CTIF: variants seen among roughly 807,000 people sequenced by gnomAD.
CTIF encodes the protein CBP80/20-dependent translation initiation factor.
A neutral mutation model predicts 66.0 loss-of-function variants in CTIF; 21 were observed. The observed-to-expected ratio is 0.32, with a 90% CI of 0.23 to 0.46. The LOEUF (loss-of-function observed/expected upper bound fraction) is 0.46. Ranked by LOEUF, CTIF falls within the 20% of genes least tolerant of loss-of-function variation. The probability of loss-of-function intolerance (pLI) is 1.00; values close to 1 mark genes in which losing one functional copy is unlikely to be tolerated. For missense variants in CTIF, 739 were observed against 812.7 expected (o/e 0.91, Z 1.10); for synonymous variants, 345 against 326.4 (o/e 1.06, Z -0.62).
intron 1 of CTIF, among the ~76,000 whole-genome samples, chr18:48,586,763 T>C (rs1195216321): frequency 6.6e-6 from 1 of 152,236 alleles, no homozygotes; most frequent in African/African-American, 2.4e-5. Context: ...TCTTAATTTA[T>C]AGGGTACCTC....
At chr18:48,765,190 C>G (rs1909403161) in intron 9 of CTIF, among the ~76,000 whole-genome samples, 1 of 152,206 alleles carries the variant, frequency 6.6e-6, no homozygotes, top group Non-Finnish European at 1.5e-5. Flanking sequence ...CATTTTCTGG[C>G]AAACTATGTT....
At chr18:48,768,487 C>T (rs79256780) in intron 9 of CTIF, among the ~76,000 whole-genome samples, 1 of 152,190 alleles carries the variant, frequency 6.6e-6, no homozygotes, top group African/African-American at 2.4e-5. Flanking sequence ...CCTCCCCAGG[C>T]TTATACATGG....
intron 7 of CTIF, among the ~76,000 whole-genome samples, chr18:48,750,490 C>A (rs1329737025): frequency 6.6e-6 from 1 of 152,266 alleles, no homozygotes; most frequent in African/African-American, 2.4e-5. Context: ...CACGAGGCAG[C>A]AATGAAGCCA....
At chr18:48,792,337 G>C (rs2067812104) in intron 9 of CTIF, among the ~76,000 whole-genome samples, 1 of 152,212 alleles carries the variant, frequency 6.6e-6, no homozygotes, top group South Asian at 2.1e-4. Flanking sequence ...CATCAGGTCA[G>C]CGGGATGCTG....
intron 5 of CTIF, 154 bp from the exon 6 acceptor site, chr18:48,670,515 A>T: frequency 1.6e-6 from 1 of 636,312 alleles, no homozygotes; most frequent in Non-Finnish European, 2.8e-6. Flanking sequence ...CAGCTTCTCT[A>T]GGGCTGTTTC....
At chr18:48,709,490 C>A (rs941162518) in intron 6 of CTIF, among the ~76,000 whole-genome samples, 2 of 152,242 alleles carry the variant, frequency 1.3e-5, no homozygotes, top group Non-Finnish European at 1.5e-5. Context: ...GAGGCTGGCA[C>A]CCCCTGGGCT....
intron 9 of CTIF, among the ~76,000 whole-genome samples, chr18:48,782,260 T>G (rs972634448): frequency 6.6e-6 from 1 of 150,858 alleles, no homozygotes; most frequent in African/African-American, 2.4e-5. Context: ...GGCATGGACT[T>G]CTCCAGGGAG....
At chr18:48,661,128 G>T (rs1304834944) in intron 3 of CTIF, among the ~76,000 whole-genome samples, 1 of 152,248 alleles carries the variant, frequency 6.6e-6, no homozygotes, top group African/African-American at 2.4e-5. Flanking sequence ...GGGGCACAAA[G>T]AGAAAGAGGC....
intron 9 of CTIF, among the ~76,000 whole-genome samples, chr18:48,766,043 G>T (rs904249971): frequency 1.2e-4 from 18 of 149,794 alleles, no homozygotes; most frequent in African/African-American, 4.4e-4. Context: ...ATGTTGGTGT[G>T]CTGCACCCAT....
At chr18:48,749,979 C>A (rs559428410) in intron 7 of CTIF, among the ~76,000 whole-genome samples, 1 of 152,324 alleles carries the variant, frequency 6.6e-6, no homozygotes, top group South Asian at 2.1e-4. Context: ...TGGCGACTCC[C>A]CAGGGCAGCC....
At chr18:48,735,096 C>CGTGT (rs34150644) in intron 7 of CTIF, among the ~76,000 whole-genome samples, 122 of 149,850 alleles carry the variant, frequency 8.1e-4, no homozygotes, top group South Asian at 4.0e-3. Context: ...AGTTTGTGTG[C>CGTGT]GTGTGTGTGT....
intron 9 of CTIF, among the ~76,000 whole-genome samples, chr18:48,787,776 A>G (rs1911846898): frequency 6.6e-6 from 1 of 152,166 alleles, no homozygotes; most frequent in Non-Finnish European, 1.5e-5. Flanking sequence ...GCTCCCAGCT[A>G]GAAACAGTAT....
Position 48,854,764 on chromosome 18 carries a change from T to TA in CTIF, c.1528-2815dup, listed in dbSNP as rs201795821. Among the ~76,000 whole-genome samples the TA allele has an allele frequency of 4.6e-3, 689 of 151,374 alleles. 7 individuals are homozygous for TA. The highest frequency in any genetic ancestry group is 0.015 in the African/African-American group (632 of 41,266). On this transcript the variant is annotated intron_variant, in intron 10 of 11. Coordinates refer to ENST00000256413, the MANE Select transcript of CTIF (RefSeq NM_014772.3). ...AGAGAGACCCTGTCTCTACAAAAAA[T>TA]AAAAAAAAATTAGCAGGGCATGATG...
At chr18:48,631,270 C>T (rs1438856711) in intron 2 of CTIF, among the ~76,000 whole-genome samples, 1 of 152,130 alleles carries the variant, frequency 6.6e-6, no homozygotes, top group Non-Finnish European at 1.5e-5. Context: ...TTGAGACCAT[C>T]CAGGGCAACA....
intron 1 of CTIF, among the ~76,000 whole-genome samples, chr18:48,547,640 T>C (rs900832058): frequency 6.6e-6 from 1 of 152,226 alleles, no homozygotes; most frequent in African/African-American, 2.4e-5. Flanking sequence ...TTTTCACCCA[T>C]GGCCCCTGCA....
chr18:48,736,759 T>C (rs914989620), intron 7 of CTIF, among the ~76,000 whole-genome samples: 1 of 152,162 alleles, frequency 6.6e-6, no homozygotes, highest in Non-Finnish European at 1.5e-5. Context: ...ATGGCCCTCC[T>C]GGGGAAGCTG....
chr18:48,647,692 T>C (rs2091071398), intron 3 of CTIF, among the ~76,000 whole-genome samples: 2 of 152,216 alleles, frequency 1.3e-5, no homozygotes, highest in South Asian at 4.1e-4. Flanking sequence ...AGATTCCACA[T>C]AGAAACAGGA....
intron 10 of CTIF, among the ~76,000 whole-genome samples, chr18:48,849,225 T>C (rs1599161808): frequency 7.8e-6 from 1 of 128,956 alleles, no homozygotes; most frequent in Non-Finnish European, 1.6e-5. Context: ...TGAGACAGAG[T>C]CTTACTCTGT....
chr18:48,783,910 G>A (rs907015029), intron 9 of CTIF, among the ~76,000 whole-genome samples: 3 of 152,036 alleles, frequency 2.0e-5, no homozygotes, highest in East Asian at 1.9e-4. Context: ...GCGTCCACAC[G>A]TATGCTGTTA....
Sources: allele counts gnomAD v4.1 joint callset (sites outside exome capture counted in the v4.1 genomes callset), GRCh38; gene constraint gnomAD v4.1.1; transcripts MANE v1.5; gene names NCBI Gene and HGNC (gene_info 2026-07-23, HGNC 2026-07-21).